CELF2: variants seen among roughly 807,000 people sequenced by gnomAD.
CELF2 encodes CUG triplet repeat RNA-binding protein 2.
Under a neutral mutation model 62.6 loss-of-function variants are expected in CELF2, and 8 were observed. The ratio of observed to expected loss-of-function variants is 0.13; its 90% confidence interval spans 0.07 to 0.23. The LOEUF is 0.23. Among genes scored for constraint, CELF2 ranks in the 10% least tolerant of loss-of-function variants. CELF2 has a pLI of 1.00. For synonymous variants in CELF2, 258 were observed against 250.0 expected (o/e 1.03, Z -0.30); for missense variants, 333 against 671.0 (o/e 0.50, Z 5.56).
chr10:10,849,531 C>T (rs2059245206), intron 1 of CELF2, among the ~76,000 whole-genome samples: 1 of 152,120 alleles, frequency 6.6e-6, no homozygotes, highest in Admixed American at 6.5e-5. Context: ...TACATACTAC[C>T]TTCTGAATCA....
chr10:10,575,840 T>C, the CELF2 span, among the ~76,000 whole-genome samples: 1 of 152,212 alleles, frequency 6.6e-6, no homozygotes, highest in South Asian at 2.1e-4. Context: ...TTGGACACTC[T>C]AAGTGAAATT....
chr10:10,888,737 C>T (rs765115964), intron 1 of CELF2, among the ~76,000 whole-genome samples: 15 of 152,174 alleles, frequency 9.9e-5, no homozygotes, highest in East Asian at 1.9e-4. Flanking sequence ...CTAGTAACCT[C>T]GGGCTTGCCC....
chr10:11,289,749 A>C lies in CELF2; in HGVS notation c.976+1197A>C, dbSNP rs1231622342. Reference sequence around the variant, plus strand: ...CTATTCCTGAAAAATCAACTTTGTCACCCTTAATTTCAGGAAGTTAAGTGA... The same window carrying C: ...CTATTCCTGAAAAATCAACTTTGTCCCCCTTAATTTCAGGAAGTTAAGTGA... On this transcript the variant is annotated intron_variant, in intron 9 of 12. Transcript: ENST00000633077. Among the ~76,000 whole-genome samples the C allele has an allele frequency of 2.0e-5, 3 of 152,194 alleles. No homozygotes were observed. In the East Asian group the frequency reaches 5.8e-4, roughly 29 times the overall value.
At chr10:11,120,204 T>C (rs764233787) in intron 1 of CELF2, among the ~76,000 whole-genome samples, 2 of 152,154 alleles carry the variant, frequency 1.3e-5, no homozygotes, top group Non-Finnish European at 2.9e-5. Flanking sequence ...AGGCATTTGC[T>C]CACAGATGTA....
chr10:10,938,666 T>C lies in CELF2; in HGVS notation c.89+18667T>C, dbSNP rs897250319. On this transcript the variant is annotated intron_variant, in intron 2 of 13. Coordinates refer to the CELF2 transcript ENST00000636488. This position sits in a 1 kb window ranked among gnomAD's most constrained non-coding sequence, Gnocchi z 4.2. Reference sequence around the variant, plus strand: ...CAAGTGAGTTTGTAGGTTCACTGAATTTCCCCAAAGAAGATCCTGAGACAA... The same window carrying C: ...CAAGTGAGTTTGTAGGTTCACTGAACTTCCCCAAAGAAGATCCTGAGACAA... 6.6e-6 allele frequency among the ~76,000 whole-genome samples: 1 copy of C among 152,048 alleles called. No homozygotes were observed. The highest frequency in any genetic ancestry group is 1.5e-5 in the Non-Finnish European group (1 of 68,026).
intron 2 of CELF2, among the ~76,000 whole-genome samples, chr10:11,172,855 T>C (rs951194257): frequency 1.3e-5 from 2 of 152,230 alleles, no homozygotes; most frequent in African/African-American, 4.8e-5. Context: ...GTAGCTTTGC[T>C]TTTCTGGAAT....
the CELF2 span, among the ~76,000 whole-genome samples, chr10:10,682,339 C>A: frequency 6.6e-6 from 1 of 152,168 alleles, no homozygotes; most frequent in African/African-American, 2.4e-5. Context: ...CAGTTGTTAC[C>A]CATTGCTTCA....
chr10:11,261,886 G>A (rs1345601204), intron 5 of CELF2, among the ~76,000 whole-genome samples: 1 of 152,184 alleles, frequency 6.6e-6, no homozygotes, highest in Non-Finnish European at 1.5e-5. Context: ...AAATGTGCTT[G>A]ATCGACAGCA....
intron 1 of CELF2, among the ~76,000 whole-genome samples, chr10:11,030,163 T>C (rs2059869018): frequency 6.6e-6 from 1 of 152,238 alleles, no homozygotes; most frequent in African/African-American, 2.4e-5. Context: ...TAAGGGATGC[T>C]GCCTTCCTGT....
chr10:10,963,807 G>T (rs931174217), intron 2 of CELF2, among the ~76,000 whole-genome samples: 3 of 152,108 alleles, frequency 2.0e-5, no homozygotes, highest in African/African-American at 7.2e-5. Flanking sequence ...GAAATTGTCA[G>T]TATGGCCATG....
At chr10:10,477,226 T>A in the CELF2 span, among the ~76,000 whole-genome samples, 1 of 152,186 alleles carries the variant, frequency 6.6e-6, no homozygotes, top group Non-Finnish European at 1.5e-5. Context: ...AAGTTTCAGC[T>A]ACATTTCTGC....
chr10:10,888,871 C>T (rs2061945645), intron 1 of CELF2, among the ~76,000 whole-genome samples: 1 of 152,182 alleles, frequency 6.6e-6, no homozygotes, highest in African/African-American at 2.4e-5. Context: ...TTAAATATAA[C>T]ATGGTCTGTC....
the CELF2 span, among the ~76,000 whole-genome samples, chr10:10,655,960 C>T: frequency 7.8e-5 from 11 of 140,646 alleles, no homozygotes; most frequent in Non-Finnish European, 1.1e-4. Context: ...AGAAAATTTT[C>T]GCAACCTACT....
the CELF2 span, among the ~76,000 whole-genome samples, chr10:10,733,201 G>T: frequency 5.9e-5 from 9 of 152,210 alleles, no homozygotes; most frequent in African/African-American, 2.2e-4. Flanking sequence ...GTCTACACCC[G>T]GGCCATTGAA....
the CELF2 span, chr10:10,788,895 C>A: frequency 6.6e-6 from 1 of 152,148 alleles, no homozygotes; most frequent in Non-Finnish European, 1.5e-5. Flanking sequence ...GGGTTAGGGC[C>A]CCTATCTTCG....
the CELF2 span, among the ~76,000 whole-genome samples, chr10:10,529,907 G>A: frequency 7.2e-5 from 11 of 152,150 alleles, no homozygotes; most frequent in African/African-American, 2.7e-4. Context: ...GGCTTAGCAA[G>A]AATTTAAGAA....
chr10:11,259,746 A>G (rs1477951369), intron 5 of CELF2, among the ~76,000 whole-genome samples: 1 of 152,110 alleles, frequency 6.6e-6, no homozygotes, highest in East Asian at 1.9e-4. Context: ...CCTTCTAATC[A>G]CACCTGGTGG....
chr10:10,798,133 C>A (rs2131435044), upstream of CELF2, among the ~76,000 whole-genome samples: 1 of 152,240 alleles, frequency 6.6e-6, no homozygotes, highest in South Asian at 2.1e-4. Context: ...AGAAAACACA[C>A]AGTAAAGTCT....
intron 1 of CELF2, among the ~76,000 whole-genome samples, chr10:11,061,818 G>A (rs1371551525): frequency 6.6e-6 from 1 of 151,804 alleles, no homozygotes; most frequent in East Asian, 1.9e-4. Flanking sequence ...TTTTTTATTT[G>A]TTTGTTTTAA....
Sources: gnomAD v4.1 joint callset for allele counts (sites outside exome capture counted in the v4.1 genomes callset) on GRCh38, gnomAD v4.1.1 for gene constraint, Gnocchi (gnomAD v3.1) non-coding constraint, MANE v1.5 for transcripts, NCBI Gene and HGNC (gene_info 2026-07-23, HGNC 2026-07-21) for gene names.